REPS1: variants seen among roughly 807,000 people sequenced by gnomAD.
REPS1 encodes the protein RALBP1 associated Eps domain containing 1, also known as ralBP1-associated Eps domain-containing protein 1.
In REPS1, 39 loss-of-function variants were observed where a neutral mutation model predicts 100.9. The ratio of observed to expected loss-of-function variants is 0.39; its 90% confidence interval spans 0.30 to 0.50. The LOEUF is 0.50. Ranked by LOEUF, REPS1 falls within the 20% of genes least tolerant of loss-of-function variation. The pLI is 0.86. For missense variants in REPS1, 821 were observed against 968.5 expected, an observed-to-expected ratio of 0.85 and a Z score of 2.02; for synonymous variants, 324 against 340.3, an observed-to-expected ratio of 0.95 and a Z score of 0.53.
intron 1 of REPS1, among the ~76,000 whole-genome samples, chr6:138,954,645 T>C (rs183688940): frequency 7.5e-4 from 114 of 152,310 alleles, no homozygotes; most frequent in African/African-American, 2.2e-3. Flanking sequence ...CATTATATAT[T>C]TGAAACATCA....
chr6:138,912,528 C>T (rs1780076721), intron 16 of REPS1: 20 of 517,114 alleles, frequency 3.9e-5, no homozygotes, highest in South Asian at 2.7e-4. Flanking sequence ...GTTTTAGCCA[C>T]GGCCAGGCGG....
rs56070030 is a variant in REPS1 at position 138,969,859 on chromosome 6, A to ATTTTTTTTTT, written c.153+17661_153+17670dup. On this transcript the variant is annotated intron_variant, in intron 1 of 19. Transcript: ENST00000450536. ...AAGAAAGAGGTTACTGTGAATTGGG[A>ATTTTTTTTTT]TTTTTTTTTTTTTTTTTTTTTTTTT... Among the ~76,000 whole-genome samples, 118 of 94,628 alleles carry ATTTTTTTTTT rather than the reference A, an allele frequency of 1.2e-3. 7 individuals are homozygous for ATTTTTTTTTT. Among genetic ancestry groups the ATTTTTTTTTT allele is most frequent in the East Asian group, 2.2e-3 (6 of 2,728 alleles). The allele number at this position is 94,628 out of a possible 152,430, so 62.1% of individuals were successfully genotyped here.
chr6:138,912,659 G>T (rs1289157672), intron 16 of REPS1, 106 bp downstream of exon 16: 1 of 1,046,928 alleles, frequency 9.6e-7, no homozygotes, highest in East Asian at 2.4e-5. Context: ...ACTGACCCAG[G>T]GAATATTTTA....
intron 9 of REPS1, 56 bp downstream of exon 9, chr6:138,929,921 A>G (rs1562527491): frequency 6.3e-7 from 1 of 1,583,110 alleles, no homozygotes; most frequent in South Asian, 1.1e-5. Flanking sequence ...CCTCTTTGGA[A>G]CATCTTACCT....
chr6:138,920,488 ATAATTT>A (rs1413992987), intron 11 of REPS1, among the ~76,000 whole-genome samples, 172 bp from the exon 12 acceptor site: 5 of 152,230 alleles, frequency 3.3e-5, no homozygotes, highest in African/African-American at 1.2e-4. Context: ...CTGTTTATTT[ATAATTT>A]TATTTTCTGC....
intron 13 of REPS1, among the ~76,000 whole-genome samples, chr6:138,917,099 T>C (rs946950007): frequency 6.6e-6 from 1 of 152,170 alleles, no homozygotes; most frequent in African/African-American, 2.4e-5. Flanking sequence ...GACAAATCTC[T>C]AGCCTCCTCC....
At chr6:138,913,365 G>C (rs1041220420) in intron 15 of REPS1, among the ~76,000 whole-genome samples, 1 of 151,854 alleles carries the variant, frequency 6.6e-6, no homozygotes, top group African/African-American at 2.4e-5. Context: ...GCTCTAAAAA[G>C]TGTGAAAACC....
At chr6:138,979,356 A>G (rs952597791) in intron 1 of REPS1, among the ~76,000 whole-genome samples, 1 of 152,116 alleles carries the variant, frequency 6.6e-6, no homozygotes, top group Non-Finnish European at 1.5e-5. Context: ...CTCAAAAAGA[A>G]ACAAACAAAA....
chr6:138,947,051 T>G (rs113190313), intron 2 of REPS1, among the ~76,000 whole-genome samples: 3 of 147,714 alleles, frequency 2.0e-5, no homozygotes, highest in African/African-American at 8.0e-5. Context: ...TCTCTCTCTC[T>G]CTCTCTCTCT....
At chr6:138,969,859 A>ATTTTTTTTTTTTTTTTT in intron 1 of REPS1, among the ~76,000 whole-genome samples, 1 of 94,636 alleles carries the variant, frequency 1.1e-5, no homozygotes, top group Non-Finnish European at 1.9e-5. Flanking sequence ...GTGAATTGGG[A>ATTTTTTTTTTTTTTTTT]TTTTTTTTTT....
intron 2 of REPS1, among the ~76,000 whole-genome samples, chr6:138,946,613 C>G (rs1782630728): frequency 6.6e-6 from 1 of 152,114 alleles, no homozygotes; most frequent in Non-Finnish European, 1.5e-5. Flanking sequence ...AACTAGAGGT[C>G]CACAATGAAA....
At chr6:138,972,637 A>G (rs1048654774) in intron 1 of REPS1, among the ~76,000 whole-genome samples, 2 of 151,868 alleles carry the variant, frequency 1.3e-5, no homozygotes, top group African/African-American at 4.8e-5. Flanking sequence ...TCTGCAGGGC[A>G]GAGAAATACA....
chr6:138,970,249 T>C (rs1189696930), intron 1 of REPS1, among the ~76,000 whole-genome samples: 1 of 151,578 alleles, frequency 6.6e-6, no homozygotes, highest in East Asian at 1.9e-4. Context: ...AAGGACTTTG[T>C]AAGTTGGATA....
chr6:138,908,825 C>G lies in REPS1; in HGVS notation c.2068-9G>C, dbSNP rs753049540. On this transcript the variant is annotated splice_polypyrimidine_tract_variant and intron_variant, in intron 17 of 19. Coordinates refer to ENST00000450536, the MANE Select transcript of REPS1 (RefSeq NM_001286611.2). ...GGTGTTGTGCCTTTGCTCTTTAAGA[C>G]AAGAATTCCATTAATAATAAGCATT... 3.1e-6 allele frequency: 5 copies of G among 1,610,036 alleles called. No homozygotes were observed. The highest frequency in any genetic ancestry group is 4.2e-6 in the Non-Finnish European group (5 of 1,178,784).
chr6:138,949,377 C>T (rs1782849351), intron 1 of REPS1, among the ~76,000 whole-genome samples: 1 of 152,012 alleles, frequency 6.6e-6, no homozygotes, highest in South Asian at 2.1e-4. Context: ...CTGACTTGCC[C>T]AACTTGTTCT....
chr6:138,939,123 G>A (rs1782059428), intron 8 of REPS1, among the ~76,000 whole-genome samples: 1 of 152,060 alleles, frequency 6.6e-6, no homozygotes, highest in South Asian at 2.1e-4. Flanking sequence ...ATGATAGGTG[G>A]AAGAAAAATG....
chr6:138,973,180 G>A (rs2128504125), intron 1 of REPS1, among the ~76,000 whole-genome samples: 1 of 152,250 alleles, frequency 6.6e-6, no homozygotes, highest in South Asian at 2.1e-4. Flanking sequence ...GGGTTATCTG[G>A]TTGGGATGAT....
intron 8 of REPS1, among the ~76,000 whole-genome samples, chr6:138,937,656 A>C (rs967399816): frequency 1.3e-5 from 2 of 152,218 alleles, no homozygotes; most frequent in African/African-American, 4.8e-5. Context: ...GGAAGCACAC[A>C]TCCCTTTCCT....
chr6:138,939,420 A>C (rs1782082288), intron 8 of REPS1, among the ~76,000 whole-genome samples: 1 of 152,230 alleles, frequency 6.6e-6, no homozygotes, highest in Admixed American at 6.5e-5. Flanking sequence ...ATAAATGCCC[A>C]GAAAAAAATT....
Sources: allele counts gnomAD v4.1 joint callset (sites outside exome capture counted in the v4.1 genomes callset), GRCh38; gene constraint gnomAD v4.1.1; transcripts MANE v1.5; gene names NCBI Gene and HGNC (gene_info 2026-07-23, HGNC 2026-07-21).